Variants in RAD50 observed in about 807,000 individuals in gnomAD.
RAD50 encodes the protein DNA repair protein RAD50.
A neutral mutation model predicts 168.8 loss-of-function variants in RAD50; 132 were observed. The ratio of observed to expected loss-of-function variants is 0.78; its 90% CI spans 0.68 to 0.90. The LOEUF is 0.90. RAD50 is among the 40% of genes least tolerant of loss of function. The pLI, the probability that RAD50 is intolerant of heterozygous loss-of-function variation, is 0.00. For synonymous variants in RAD50, 525 were observed against 497.4 expected, an observed-to-expected ratio of 1.06 and a Z score of -0.74; for missense variants, 1,347 against 1,534.4, an observed-to-expected ratio of 0.88 and a Z score of 2.04.
intron 11 of RAD50, among the ~76,000 whole-genome samples, chr5:132,594,243 A>T (rs977814305): frequency 5.9e-5 from 9 of 152,296 alleles, no homozygotes; most frequent in South Asian, 2.1e-4. Flanking sequence ...TTTCATTTTT[A>T]AAAAATATGC....
At chr5:132,583,421 T>A (rs1750538970) in intron 5 of RAD50, among the ~76,000 whole-genome samples, 1 of 152,096 alleles carries the variant, frequency 6.6e-6, no homozygotes, top group South Asian at 2.1e-4. Flanking sequence ...CTTTTTAGAG[T>A]ATAAATTCTA....
intron 5 of RAD50, among the ~76,000 whole-genome samples, chr5:132,582,375 A>G (rs1377606934): frequency 6.6e-6 from 1 of 151,694 alleles, no homozygotes. Flanking sequence ...TGGTTCAATA[A>G]ATGTTTATTA....
chr5:132,584,320 T>C (rs1027899731), intron 5 of RAD50, among the ~76,000 whole-genome samples: 1 of 152,248 alleles, frequency 6.6e-6, no homozygotes, highest in African/African-American at 2.4e-5. Context: ...TTGAGAAGTG[T>C]CTGTTCATAT....
Position 132,589,622 on chromosome 5 carries a change from T to A in RAD50, c.1246-9T>A, listed in dbSNP as rs1487934390. ...ATTATTAATGCTCATTCTTTACATA[T>A]GCATTTAGAATGACTTTGCAGAAAA... On this transcript the variant is annotated splice_polypyrimidine_tract_variant and intron_variant, in intron 8 of 24. Transcript: ENST00000378823. 1 of 1,550,064 alleles carries A rather than the reference T, an allele frequency of 6.5e-7. No individual in the cohort carries two copies. Among genetic ancestry groups the A allele is most frequent in the East Asian group, 2.3e-5 (1 of 44,394 alleles).
intron 21 of RAD50, among the ~76,000 whole-genome samples, chr5:132,620,973 G>A (rs1335759989): frequency 6.6e-6 from 1 of 152,032 alleles, no homozygotes; most frequent in Non-Finnish European, 1.5e-5. Flanking sequence ...AAGAAGAGGA[G>A]GGGTCAGTCT....
rs1750463741 is a variant in RAD50 at position 132,579,428 on chromosome 5, AGAAGAT to A, written c.478_483del (p.Glu160_Asp161del). The stretch of plus-strand genomic sequence containing the variant: ...TAAATAATGTCATTTTCTGTCATCA[AGAAGAT>A]TCTAATTGGCCTTTAAGTGAAGGAA... On this transcript the variant is annotated inframe_deletion, in exon 4 of 25. Coordinates refer to ENST00000378823, the MANE Select transcript of RAD50 (RefSeq NM_005732.4). The A allele has an allele frequency of 3.1e-6, 5 of 1,613,846 alleles. No homozygotes were observed. Among genetic ancestry groups the A allele is most frequent in the Non-Finnish European group, 4.2e-6 (5 of 1,179,874 alleles).
intron 21 of RAD50, among the ~76,000 whole-genome samples, chr5:132,621,735 A>G (rs1751289405): frequency 6.6e-6 from 1 of 152,132 alleles, no homozygotes; most frequent in South Asian, 2.1e-4. Context: ...CATTTTAATT[A>G]TTCCTTTAAA....
intron 2 of RAD50, among the ~76,000 whole-genome samples, chr5:132,573,968 C>T (rs1368708281): frequency 3.9e-5 from 6 of 152,204 alleles, no homozygotes; most frequent in African/African-American, 7.2e-5. Flanking sequence ...TAGCCTCCTT[C>T]CTGGCTGTTT....
chr5:132,620,610 A>G (rs1325266161), intron 21 of RAD50, among the ~76,000 whole-genome samples: 1 of 151,658 alleles, frequency 6.6e-6, no homozygotes, highest in Non-Finnish European at 1.5e-5. Context: ...TTTGAGATGG[A>G]TTTATTTTTC....
chr5:132,568,285 A>G (rs1033744888), intron 2 of RAD50, among the ~76,000 whole-genome samples: 4 of 151,890 alleles, frequency 2.6e-5, no homozygotes, highest in Admixed American at 2.0e-4. Context: ...GGGTTTCACC[A>G]TATTAGCCAA....
At position 132,645,383 on chromosome 5, in the gene RAD50, C is replaced by T. The variant is rs367973087; in HGVS notation, c.*3019C>T. 1 of 152,580 alleles carries T rather than the reference C, an allele frequency of 6.6e-6. No homozygotes were observed. The highest frequency in any genetic ancestry group is 2.1e-4 in the South Asian group (1 of 4,824). The allele number at this position is 152,580 out of a possible 1,614,324, so 9.5% of individuals were successfully genotyped here. On this transcript the variant is annotated 3_prime_UTR_variant, in exon 25 of 25. Coordinates refer to ENST00000378823, the MANE Select transcript of RAD50 (RefSeq NM_005732.4). ...TCCCCAGCCCTACTGGAATCCAGCTCTGCCTCCTCCCTGCAACACCTGCAC... is the reference window on the plus strand; with the variant it reads ...TCCCCAGCCCTACTGGAATCCAGCTTTGCCTCCTCCCTGCAACACCTGCAC...
intron 5 of RAD50, among the ~76,000 whole-genome samples, chr5:132,584,110 G>A (rs182184528): frequency 3.9e-5 from 6 of 152,172 alleles, no homozygotes; most frequent in Middle Eastern, 3.4e-3. Flanking sequence ...GGTTGAACTA[G>A]TTTACAGTCC....
rs1031561981 is a variant in RAD50 at position 132,603,895 on chromosome 5, G to A, written c.2398-25G>A. ...GAATAATGCAGTAAGTTTATTAAAG[G>A]AAATCATTTTGTTATATTCTTAAGA... On this transcript the variant is annotated intron_variant, in intron 14 of 24. Transcript: ENST00000378823. The A allele has an allele frequency of 3.2e-6, 5 of 1,555,910 alleles. No homozygotes were observed. In the African/African-American group the frequency reaches 6.8e-5, roughly 21 times the overall value.
intron 5 of RAD50, 43 bp downstream of exon 5, chr5:132,580,109 T>A: frequency 3.5e-6 from 5 of 1,447,876 alleles, no homozygotes; most frequent in African/African-American, 1.4e-5. Flanking sequence ...TGTATATCTT[T>A]ATGGTATACA....
chr5:132,639,507 C>T (rs1026886965), intron 23 of RAD50, among the ~76,000 whole-genome samples: 4 of 152,148 alleles, frequency 2.6e-5, no homozygotes, highest in African/African-American at 9.7e-5. Context: ...TCCCTACGTG[C>T]TTTGATGATT....
intron 19 of RAD50, among the ~76,000 whole-genome samples, chr5:132,613,443 C>A (rs1270193305): frequency 6.6e-6 from 1 of 151,900 alleles, no homozygotes; most frequent in Non-Finnish European, 1.5e-5. Context: ...TTTTCCCTTC[C>A]TTTCTCTGAT....
intron 21 of RAD50, among the ~76,000 whole-genome samples, chr5:132,626,212 G>A (rs1668932906): frequency 6.6e-6 from 1 of 152,076 alleles, no homozygotes; most frequent in African/African-American, 2.4e-5. Flanking sequence ...TGGACACTTA[G>A]GTTGCTTCCA....
chr5:132,617,987 A>G, intron 20 of RAD50, 83 bp from the exon 21 acceptor site: 5 of 1,098,132 alleles, frequency 4.6e-6, no homozygotes, highest in South Asian at 1.3e-5. Context: ...TACTTAACCT[A>G]TCTAAAGAAA....
Position 132,603,995 on chromosome 5 carries a change from G to GTCC in RAD50, c.2474_2476dup (p.Val825_Gln826insLeu). ...ACAAGGAATAGACTTAGATCGAACTGTCCAACAAGTCAACCAGGAGAAACA... is the reference window on the plus strand; with the variant it reads ...ACAAGGAATAGACTTAGATCGAACTGTCCTCCAACAAGTCAACCAGGAGAAACA... On this transcript the variant is annotated inframe_insertion, in exon 15 of 25. Coordinates refer to ENST00000378823, the MANE Select transcript of RAD50 (RefSeq NM_005732.4). The GTCC allele has an allele frequency of 6.2e-7, 1 of 1,613,686 alleles. No individual in the cohort carries two copies. Among genetic ancestry groups the GTCC allele is most frequent in the Non-Finnish European group, 8.5e-7 (1 of 1,179,680 alleles).
Sources: allele counts gnomAD v4.1 joint callset (sites outside exome capture counted in the v4.1 genomes callset), GRCh38; gene constraint gnomAD v4.1.1; transcripts MANE v1.5; gene names NCBI Gene and HGNC (gene_info 2026-07-23, HGNC 2026-07-21).